The following REL variants were observed in gnomAD, a reference collection of about 807,000 sequenced individuals.
REL encodes the protein proto-oncogene c-Rel.
A neutral mutation model predicts 45.9 loss-of-function variants in REL; 15 were observed. That is an observed-to-expected ratio of 0.33 (90% CI 0.22 to 0.50). The LOEUF (loss-of-function observed/expected upper bound fraction) is 0.50. Ranked by LOEUF, REL falls within the 20% of genes least tolerant of loss-of-function variation. The probability of loss-of-function intolerance (pLI) is 0.98; values close to 1 mark genes in which losing one functional copy is unlikely to be tolerated. For synonymous variants in REL, 239 were observed against 242.1 expected (o/e 0.99, Z 0.12); for missense variants, 601 against 715.2 (o/e 0.84, Z 1.82).
At chr2:60,896,257 C>T (rs150511858) in intron 3 of REL, among the ~76,000 whole-genome samples, 3,189 of 152,270 alleles carry the variant, frequency 0.021, 45 homozygotes, top group Non-Finnish European at 0.033. Flanking sequence ...GATCCACGTG[C>T]CTCAGCCTCC....
At position 60,925,961 on chromosome 2, in the gene REL, A is replaced by G. The variant is rs1302647419; in HGVS notation, c.*3426A>G. On this transcript the variant is annotated 3_prime_UTR_variant, in exon 10 of 10. Transcript: ENST00000394479. ...TACCTCTGTGTGTAGAATATTCCCA[A>G]TGGATTTTTCATTTTTCAGGTGCTA... 6 of 226,144 alleles carry G rather than the reference A, an allele frequency of 2.7e-5. No individual in the cohort carries two copies. The highest frequency in any genetic ancestry group is 6.4e-5 in the East Asian group (1 of 15,672). The allele number at this position is 226,144 out of a possible 1,614,324, so 14.0% of individuals were successfully genotyped here.
At chr2:60,904,361 C>T (rs573266150) in intron 4 of REL, among the ~76,000 whole-genome samples, 1 of 151,486 alleles carries the variant, frequency 6.6e-6, no homozygotes, top group Admixed American at 6.6e-5. Context: ...AAGATTGCTC[C>T]ACTGCACTCC....
chr2:60,925,061 A>C lies in REL; in HGVS notation c.*2526A>C, dbSNP rs1198960029. 5.0e-6 allele frequency: 1 copy of C among 198,178 alleles called. No homozygotes were observed. The highest frequency in any genetic ancestry group is 2.3e-5 in the African/African-American group (1 of 43,402). 12.3% of individuals were successfully genotyped at this position (198,178 alleles called of 1,614,324 possible). On this transcript the variant is annotated 3_prime_UTR_variant, in exon 10 of 10. Transcript: ENST00000394479. ...TTTCCCAAAGACATTGTAAGGGTTAATTAGATCATTATATTTTATTATTAC... is the reference window on the plus strand; with the variant it reads ...TTTCCCAAAGACATTGTAAGGGTTACTTAGATCATTATATTTTATTATTAC...
intron 4 of REL, among the ~76,000 whole-genome samples, chr2:60,909,971 G>A (rs1054740682): frequency 5.9e-5 from 9 of 152,078 alleles, no homozygotes; most frequent in Non-Finnish European, 1.3e-4. Flanking sequence ...TTTCAGTAGT[G>A]TTTGACAGTA....
intron 9 of REL, among the ~76,000 whole-genome samples, chr2:60,920,962 G>A (rs1032635047): frequency 3.3e-5 from 5 of 151,704 alleles, no homozygotes; most frequent in South Asian, 2.1e-4. Context: ...ACTGGAACAC[G>A]GCCATGAATA....
chr2:60,890,719 G>T (rs140466290), intron 1 of REL, among the ~76,000 whole-genome samples: 29 of 152,216 alleles, frequency 1.9e-4, no homozygotes, highest in Admixed American at 5.9e-4. Flanking sequence ...TTTAAAGTAT[G>T]CAATTTGACA....
In REL at chr2:60,889,246, G is replaced by C. The variant is rs114552640; in HGVS notation, c.11-2437G>C. ...CCTCCGCTCTTTTGCTTCATTAACCGCTCTTTTTCCACTGACACAGTTGGG... is the reference window on the plus strand; with the variant it reads ...CCTCCGCTCTTTTGCTTCATTAACCCCTCTTTTTCCACTGACACAGTTGGG... On this transcript the variant is annotated intron_variant, in intron 1 of 9. Transcript: ENST00000394479. Among the ~76,000 whole-genome samples the C allele has an allele frequency of 3.3e-3, 507 of 151,978 alleles. 6 individuals are homozygous for C. Among genetic ancestry groups the C allele is most frequent in the African/African-American group, 0.012 (486 of 41,430 alleles).
intron 1 of REL, among the ~76,000 whole-genome samples, chr2:60,890,984 C>T (rs1315943106): frequency 1.3e-5 from 2 of 152,184 alleles, no homozygotes; most frequent in East Asian, 3.8e-4. Flanking sequence ...GTTCATTCTG[C>T]AGATGCATAT....
intron 4 of REL, among the ~76,000 whole-genome samples, chr2:60,906,909 ATATATT>A (rs1265368006): frequency 2.1e-5 from 2 of 97,492 alleles, no homozygotes; most frequent in Admixed American, 1.0e-4. Flanking sequence ...ATATATATAT[ATATATT>A]TTTTTTTTTT....
rs371840471 is a variant in REL, at chr2:60,922,644, C to T, written c.*109C>T. ...CTATATTTATACTGTATATATAATA[C>T]TGACTGAGAATATAATACTGTATTT... On this transcript the variant is annotated 3_prime_UTR_variant, in exon 10 of 10. Transcript: ENST00000394479. 27 of 1,374,054 alleles carry T rather than the reference C, an allele frequency of 2.0e-5. No homozygotes were observed. The highest frequency in any genetic ancestry group is 2.2e-5 in the Non-Finnish European group (23 of 1,059,318). 85.1% of individuals were successfully genotyped at this position (1,374,054 alleles called of 1,614,324 possible).
intron 5 of REL, 65 bp from the exon 6 acceptor site, chr2:60,918,126 C>T: frequency 1.0e-6 from 1 of 963,944 alleles, no homozygotes; most frequent in Non-Finnish European, 1.6e-6. Flanking sequence ...AAATTCTTCC[C>T]TGCAAAAAGA....
rs551086201 is a variant in REL at position 60,930,514 on chromosome 2, C to T, written c.*7979C>T. On this transcript the variant is annotated 3_prime_UTR_variant, in exon 10 of 10. Coordinates refer to ENST00000394479, the MANE Select transcript of REL (RefSeq NM_001291746.2). ...TTTTATGCCTTTTTTTTGCCTAAGA[C>T]GTAGTCAAATTAATATTTTAACTAA... 4.6e-5 allele frequency: 7 copies of T among 152,190 alleles called. No individual in the cohort carries two copies. The highest frequency in any genetic ancestry group is 2.1e-4 in the South Asian group (1 of 4,816). The allele number at this position is 152,190 out of a possible 1,614,324, so 9.4% of individuals were successfully genotyped here.
chr2:60,901,126 G>C, intron 4 of REL, 43 bp downstream of exon 4: 1 of 873,254 alleles, frequency 1.1e-6, no homozygotes, highest in Non-Finnish European at 1.7e-6. Flanking sequence ...TTTGGGTGTT[G>C]ATTTCTGTTT....
Position 60,925,278 on chromosome 2 carries a change from C to T in REL, c.*2743C>T, listed in dbSNP as rs947763427. 1.1e-4 allele frequency: 22 copies of T among 194,114 alleles called. No individual in the cohort carries two copies. Among genetic ancestry groups the T allele is most frequent in the Non-Finnish European group, 1.6e-4 (15 of 93,322 alleles). 12.0% of individuals were successfully genotyped at this position (194,114 alleles called of 1,614,324 possible). ...CTTTACATAAACTAGTCGTTTCGGTCAAATAGAAAAATGTGTGAATGCCAT... is the reference window on the plus strand; with the variant it reads ...CTTTACATAAACTAGTCGTTTCGGTTAAATAGAAAAATGTGTGAATGCCAT... On this transcript the variant is annotated 3_prime_UTR_variant, in exon 10 of 10. Coordinates refer to ENST00000394479, the MANE Select transcript of REL (RefSeq NM_001291746.2).
At chr2:60,885,138 G>A (rs1673040204) in intron 1 of REL, among the ~76,000 whole-genome samples, 1 of 152,144 alleles carries the variant, frequency 6.6e-6, no homozygotes, top group Non-Finnish European at 1.5e-5. Flanking sequence ...GAACATCTAG[G>A]TTATGCATAG....
Position 60,922,321 on chromosome 2 carries a change from A to G in REL, c.1550A>G (p.Asn517Ser), listed in dbSNP as rs887252833. Residue 517 changes from asparagine to serine, a missense_variant, in exon 10 of 10, where the codon AAT becomes AGT. Coordinates refer to ENST00000394479, the MANE Select transcript of REL (RefSeq NM_001291746.2). The part of the protein sequence containing the change: ...MSSSSMSAGA[N>S]SNTTVFVSQS... ...TCTTCCAGTATGTCAGCAGGCGCCA[A>G]TTCCAATACTACTGTTTTTGTTTCA... is the stretch of plus-strand genomic sequence containing the variant. The G allele has an allele frequency of 1.2e-6, 2 of 1,614,164 alleles. No individual in the cohort carries two copies. Among genetic ancestry groups the G allele is most frequent in the East Asian group, 4.5e-5 (2 of 44,882 alleles).
chr2:60,906,118 A>G (rs775691451), intron 4 of REL, among the ~76,000 whole-genome samples: 12 of 152,208 alleles, frequency 7.9e-5, no homozygotes, highest in Non-Finnish European at 1.8e-4. Context: ...TAAAACCATC[A>G]TATCTTGTGA....
intron 7 of REL, 86 bp downstream of exon 7, chr2:60,918,692 G>A (rs979741319): frequency 1.5e-5 from 13 of 894,116 alleles, no homozygotes; most frequent in African/African-American, 3.4e-5. Context: ...TTTGAGTACA[G>A]TTATGTATAT....
intron 4 of REL, among the ~76,000 whole-genome samples, chr2:60,913,094 A>C (rs1327704459): frequency 6.6e-6 from 1 of 152,102 alleles, no homozygotes; most frequent in Non-Finnish European, 1.5e-5. Context: ...TCTTAATTTC[A>C]ATTTATTATA....
Sources: gnomAD v4.1 joint callset for allele counts (sites outside exome capture counted in the v4.1 genomes callset) on GRCh38, gnomAD v4.1.1 for gene constraint, MANE v1.5 for transcripts, NCBI Gene and HGNC (gene_info 2026-07-23, HGNC 2026-07-21) for gene names.